The following RABGAP1L variants were observed in gnomAD, a reference collection of about 807,000 sequenced individuals.
RABGAP1L encodes the protein RAB GTPase activating protein 1 like.
Under a neutral mutation model 137.7 loss-of-function variants are expected in RABGAP1L, and 63 were observed. The ratio of observed to expected loss-of-function variants is 0.46; its 90% CI spans 0.37 to 0.56. The LOEUF (loss-of-function observed/expected upper bound fraction) is 0.56. RABGAP1L is among the 20% of genes least tolerant of loss of function. The probability of loss-of-function intolerance (pLI) is 0.00; values close to 1 mark genes in which losing one functional copy is unlikely to be tolerated. For synonymous variants in RABGAP1L, 431 were observed against 433.7 expected, an observed-to-expected ratio of 0.99 and a Z score of 0.08; for missense variants, 1,095 against 1,244.0, an observed-to-expected ratio of 0.88 and a Z score of 1.80.
intron 19 of RABGAP1L, among the ~76,000 whole-genome samples, chr1:174,857,019 A>G (rs954028258): frequency 1.1e-4 from 16 of 152,316 alleles, no homozygotes; most frequent in African/African-American, 2.9e-4. Context: ...AAATATGCTC[A>G]GTACATCCTT....
intron 1 of RABGAP1L, among the ~76,000 whole-genome samples, chr1:174,166,027 T>A (rs1388785457): frequency 6.6e-6 from 1 of 152,186 alleles, no homozygotes; most frequent in African/African-American, 2.4e-5. Context: ...TATCTTTCAT[T>A]TTTGACTCTG....
At chr1:174,899,951 T>C (rs1414981306) in intron 19 of RABGAP1L, among the ~76,000 whole-genome samples, 1 of 152,044 alleles carries the variant, frequency 6.6e-6, no homozygotes, top group Non-Finnish European at 1.5e-5. Flanking sequence ...GGTAGAATAA[T>C]CTTCAGATTC....
intron 13 of RABGAP1L, among the ~76,000 whole-genome samples, chr1:174,450,542 A>C (rs925461176): frequency 6.6e-6 from 1 of 152,198 alleles, no homozygotes; most frequent in Non-Finnish European, 1.5e-5. Context: ...GCCGCTGAGA[A>C]TATAATATAC....
At chr1:174,471,043 A>AAAG (rs1245122364) in intron 13 of RABGAP1L, among the ~76,000 whole-genome samples, 1 of 151,858 alleles carries the variant, frequency 6.6e-6, no homozygotes, top group Non-Finnish European at 1.5e-5. Flanking sequence ...TTAGGAAAAA[A>AAAG]AAACACACTT....
At chr1:174,259,183 G>T (rs1673370879) in intron 7 of RABGAP1L, among the ~76,000 whole-genome samples, 1 of 151,338 alleles carries the variant, frequency 6.6e-6, no homozygotes, top group African/African-American at 2.4e-5. Context: ...TAGATATTTT[G>T]CAAATTATAC....
intron 18 of RABGAP1L, among the ~76,000 whole-genome samples, chr1:174,779,080 G>T (rs34296978): frequency 0.015 from 2,273 of 152,290 alleles, 28 homozygotes; most frequent in Middle Eastern, 0.027. Context: ...CATTCCCATA[G>T]ACTATGATTG....
At chr1:174,984,124 G>C (rs767956989) in intron 24 of RABGAP1L, among the ~76,000 whole-genome samples, 4 of 149,326 alleles carry the variant, frequency 2.7e-5, no homozygotes, top group Admixed American at 6.7e-5. Context: ...AGGTATACGT[G>C]TGCCATGGTG....
intron 13 of RABGAP1L, among the ~76,000 whole-genome samples, chr1:174,502,057 C>T (rs558630636): frequency 1.3e-5 from 2 of 151,234 alleles, no homozygotes; most frequent in East Asian, 1.9e-4. Flanking sequence ...TAGGCAGAAA[C>T]CATGAAAATT....
intron 1 of RABGAP1L, among the ~76,000 whole-genome samples, chr1:174,194,236 T>TG (rs1667412126): frequency 1.1e-5 from 1 of 94,390 alleles, no homozygotes; most frequent in South Asian, 2.8e-4. Flanking sequence ...CAGTTAATTC[T>TG]TTTTTTTTTT....
intron 13 of RABGAP1L, among the ~76,000 whole-genome samples, chr1:174,474,320 A>G (rs1198134596): frequency 1.3e-5 from 2 of 152,028 alleles, no homozygotes; most frequent in African/African-American, 4.8e-5. Context: ...TTTATTGCCT[A>G]CTCCCCAACA....
intron 1 of RABGAP1L, among the ~76,000 whole-genome samples, chr1:174,175,540 A>G (rs1430631691): frequency 1.4e-5 from 2 of 144,384 alleles, no homozygotes; most frequent in African/African-American, 2.6e-5. Context: ...GCTCACTGTA[A>G]CCTCTGCCTG....
chr1:174,801,946 A>G (rs1011961364), intron 18 of RABGAP1L, among the ~76,000 whole-genome samples: 1 of 152,180 alleles, frequency 6.6e-6, no homozygotes, highest in Non-Finnish European at 1.5e-5. Flanking sequence ...TTGTGACTCA[A>G]AGGCTTCCAA....
chr1:174,821,747 A>G (rs367590088), intron 19 of RABGAP1L, among the ~76,000 whole-genome samples: 152 of 152,308 alleles, frequency 1.0e-3, no homozygotes, highest in African/African-American at 3.3e-3. Context: ...TTGAATTAGC[A>G]CTGAGGTCCT....
intron 14 of RABGAP1L, among the ~76,000 whole-genome samples, chr1:174,664,066 A>G (rs946959320): frequency 7.9e-5 from 12 of 152,150 alleles, no homozygotes; most frequent in African/African-American, 2.9e-4. Context: ...AAACAACAAT[A>G]TATATTAAAT....
In RABGAP1L at chr1:174,978,936, A is replaced by G. The variant is rs558766965; in HGVS notation, c.2733+46A>G. 137 of 1,450,748 alleles carry G rather than the reference A, an allele frequency of 9.4e-5. 1 individual carries two copies. In the South Asian group the frequency reaches 1.9e-3, roughly 20 times the overall value. The allele number at this position is 1,450,748 out of a possible 1,614,324, so 89.9% of individuals were successfully genotyped here. On this transcript the variant is annotated intron_variant, in intron 23 of 25. Coordinates refer to ENST00000681986, the MANE Select transcript of RABGAP1L (RefSeq NM_001366446.1). ...ATAGAGCTAGTTATAGTTTGCTGCT[A>G]TAAAAGTAATTTTTTTTTTTTTGCT...
chr1:174,686,994 T>A (rs1466524885), intron 15 of RABGAP1L, among the ~76,000 whole-genome samples: 1 of 151,972 alleles, frequency 6.6e-6, no homozygotes, highest in Non-Finnish European at 1.5e-5. Context: ...AGTTTAGCAT[T>A]TTTTACCTGT....
intron 7 of RABGAP1L, among the ~76,000 whole-genome samples, chr1:174,270,243 T>C (rs556775662): frequency 6.6e-6 from 1 of 151,694 alleles, no homozygotes; most frequent in South Asian, 2.1e-4. Flanking sequence ...TTAAAGATTA[T>C]CAAAATAAGG....
chr1:174,784,436 C>G (rs1264367052), intron 18 of RABGAP1L, among the ~76,000 whole-genome samples: 1 of 152,050 alleles, frequency 6.6e-6, no homozygotes, highest in African/African-American at 2.4e-5. Context: ...GATTTCTTTT[C>G]TTTCTTTTAT....
intron 19 of RABGAP1L, among the ~76,000 whole-genome samples, chr1:174,936,699 A>G (rs892467581): frequency 1.3e-5 from 2 of 152,178 alleles, no homozygotes; most frequent in South Asian, 2.1e-4. Flanking sequence ...GCTCCCTAAC[A>G]CTAACTTAAT....
Sources: allele counts gnomAD v4.1 joint callset (sites outside exome capture counted in the v4.1 genomes callset), GRCh38; gene constraint gnomAD v4.1.1; transcripts MANE v1.5; gene names NCBI Gene and HGNC (gene_info 2026-07-23, HGNC 2026-07-21).